TESMIN: variants seen among roughly 807,000 people sequenced by gnomAD.
The protein encoded by TESMIN is testis expressed metallothionein like protein.
Under a neutral mutation model 47.4 loss-of-function variants are expected in TESMIN, and 34 were observed. That is an observed-to-expected ratio of 0.72 (90% CI 0.55 to 0.96). The LOEUF (loss-of-function observed/expected upper bound fraction) is 0.96, where lower values mean the gene tolerates loss of function less well. Ranked by LOEUF, TESMIN falls within the 40% of genes least tolerant of loss-of-function variation. TESMIN has a pLI of 0.00. For synonymous variants in TESMIN, 278 were observed against 258.9 expected (o/e 1.07, Z -0.71); for missense variants, 610 against 637.2 (o/e 0.96, Z 0.46).
rs373683079 is a variant in TESMIN, at chr11:68,708,290, G to A, written c.*18C>T. ...TTCTAGACTAAGACAAAATCAACAT[G>A]CATTCACACTTTATACTCTACTCCA... On this transcript the variant is annotated 3_prime_UTR_variant, in exon 10 of 10. Coordinates refer to ENST00000255087, the MANE Select transcript of TESMIN (RefSeq NM_004923.3). 10 of 1,550,550 alleles carry A rather than the reference G, an allele frequency of 6.4e-6. No homozygotes were observed. Among genetic ancestry groups the A allele is most frequent in the Non-Finnish European group, 8.7e-6 (10 of 1,146,434 alleles).
intron 6 of TESMIN, among the ~76,000 whole-genome samples, chr11:68,731,748 A>G (rs1011801492): frequency 1.3e-5 from 2 of 152,348 alleles, no homozygotes; most frequent in East Asian, 3.9e-4. Context: ...ATGTATGGAG[A>G]GACACCAGCA....
intron 3 of TESMIN, among the ~76,000 whole-genome samples, chr11:68,746,181 AC>A (rs1946518168): frequency 6.6e-6 from 1 of 151,640 alleles, no homozygotes; most frequent in East Asian, 1.9e-4. Flanking sequence ...ACACACACAC[AC>A]ACACACACAC....
In TESMIN at chr11:68,717,082, C is replaced by T. The variant is rs77236684; in HGVS notation, c.918-1143G>A. 9.7e-3 allele frequency among the ~76,000 whole-genome samples: 1,482 copies of T among 152,326 alleles called. 23 individuals are homozygous for T. The highest frequency in any genetic ancestry group is 0.034 in the African/African-American group (1,425 of 41,562). ...TTCCCATAGTGCTGCAGGAACACGG[C>T]GAGGGCCGTGCAGGAGACCAGAGGT... On this transcript the variant is annotated intron_variant, in intron 6 of 9. Coordinates refer to ENST00000255087, the MANE Select transcript of TESMIN (RefSeq NM_004923.3).
At chr11:68,735,335 G>A (rs973862467) in intron 6 of TESMIN, among the ~76,000 whole-genome samples, 2 of 152,200 alleles carry the variant, frequency 1.3e-5, no homozygotes, top group Non-Finnish European at 2.9e-5. Context: ...CCTGTCCAGA[G>A]GAACGAAAAC....
chr11:68,715,132 C>G (rs752228260), intron 7 of TESMIN, among the ~76,000 whole-genome samples: 2 of 152,214 alleles, frequency 1.3e-5, no homozygotes, highest in South Asian at 2.1e-4. Flanking sequence ...ACAGGACATT[C>G]TCAGGTCTAC....
intron 6 of TESMIN, among the ~76,000 whole-genome samples, chr11:68,724,786 T>C (rs1946242332): frequency 1.3e-5 from 2 of 152,208 alleles, no homozygotes; most frequent in Admixed American, 1.3e-4. Flanking sequence ...ATATTAGTCC[T>C]GAAATGGTTG....
chr11:68,732,094 G>A (rs969636727), intron 6 of TESMIN, among the ~76,000 whole-genome samples: 4 of 152,126 alleles, frequency 2.6e-5, no homozygotes, highest in African/African-American at 9.7e-5. Flanking sequence ...GAGTAGATTG[G>A]GAGGGCTCTA....
At chr11:68,723,786 A>G (rs182676715) in intron 6 of TESMIN, among the ~76,000 whole-genome samples, 2 of 152,298 alleles carry the variant, frequency 1.3e-5, no homozygotes, top group Admixed American at 1.3e-4. Flanking sequence ...TGAGGATTCA[A>G]TACTTTTTAA....
At chr11:68,731,584 C>T (rs531810775) in intron 6 of TESMIN, among the ~76,000 whole-genome samples, 47 of 152,286 alleles carry the variant, frequency 3.1e-4, no homozygotes, top group Admixed American at 4.6e-4. Context: ...CATTGCCTTG[C>T]GCTCATGACT....
intron 6 of TESMIN, among the ~76,000 whole-genome samples, chr11:68,719,392 C>A (rs1946178905): frequency 6.6e-6 from 1 of 152,180 alleles, no homozygotes; most frequent in South Asian, 2.1e-4. Context: ...AGACTCAATG[C>A]TAATCTAACC....
intron 6 of TESMIN, among the ~76,000 whole-genome samples, chr11:68,720,108 T>C (rs1946187817): frequency 6.6e-6 from 1 of 152,140 alleles, no homozygotes; most frequent in South Asian, 2.1e-4. Flanking sequence ...GCAGACTGTT[T>C]TCAAAGCATT....
chr11:68,711,120 G>A, intron 8 of TESMIN, 71 bp from the exon 9 acceptor site: 1 of 1,298,992 alleles, frequency 7.7e-7, no homozygotes, highest in South Asian at 1.4e-5. Context: ...AATTCTATTT[G>A]GACCTTAAAT....
intron 6 of TESMIN, among the ~76,000 whole-genome samples, chr11:68,733,397 G>C (rs1384477844): frequency 6.6e-6 from 1 of 152,104 alleles, no homozygotes; most frequent in African/African-American, 2.4e-5. Flanking sequence ...GAAAAATTAC[G>C]CCCCTTGAAG....
At chr11:68,736,846 G>C in intron 6 of TESMIN, 1 of 985,146 alleles carries the variant, frequency 1.0e-6, no homozygotes, top group South Asian at 4.7e-5. Flanking sequence ...TGGGAAGCCG[G>C]GGGAGAGGAA....
At chr11:68,705,667 A>G (rs1945990707), downstream of TESMIN, among the ~76,000 whole-genome samples, 1 of 152,188 alleles carries the variant, frequency 6.6e-6, no homozygotes, top group African/African-American at 2.4e-5. Flanking sequence ...ACCCAAAACC[A>G]ACAGATAATC....
At chr11:68,737,013 T>G (rs2153992261) in intron 6 of TESMIN, 1 of 985,404 alleles carries the variant, frequency 1.0e-6, no homozygotes, top group South Asian at 4.7e-5. Flanking sequence ...CCTTGAATGT[T>G]CTAGACACAA....
At chr11:68,734,594 G>C (rs1946365761) in intron 6 of TESMIN, among the ~76,000 whole-genome samples, 3 of 152,198 alleles carry the variant, frequency 2.0e-5, no homozygotes. Flanking sequence ...GTGGGGGCAT[G>C]CATCTCTGTC....
In TESMIN at chr11:68,707,851, A is replaced by G; in HGVS notation, c.*457T>C. 2.2e-6 allele frequency: 1 copy of G among 456,534 alleles called. No individual in the cohort carries two copies. Among genetic ancestry groups the G allele is most frequent in the South Asian group, 1.5e-5 (1 of 64,556 alleles). The allele number at this position is 456,534 out of a possible 1,614,324, so 28.3% of individuals were successfully genotyped here. On this transcript the variant is annotated 3_prime_UTR_variant, in exon 10 of 10. Transcript: ENST00000255087. ...TCACAACAGCCCATCCGGAGAACTTATTTCTAAATAATTTGAAAAACAAAC... is the reference window on the plus strand; with the variant it reads ...TCACAACAGCCCATCCGGAGAACTTGTTTCTAAATAATTTGAAAAACAAAC...
At chr11:68,728,295 C>CTGAGA (rs1566318606) in intron 6 of TESMIN, among the ~76,000 whole-genome samples, 1 of 152,156 alleles carries the variant, frequency 6.6e-6, no homozygotes, top group Admixed American at 6.5e-5. Context: ...TGAAGCAAGC[C>CTGAGA]TGAGAGGTCT....
Sources: gnomAD v4.1 joint callset for allele counts (sites outside exome capture counted in the v4.1 genomes callset) on GRCh38, gnomAD v4.1.1 for gene constraint, MANE v1.5 for transcripts, NCBI Gene and HGNC (gene_info 2026-07-23, HGNC 2026-07-21) for gene names.